Variants in MTFR1 observed in about 807,000 individuals in gnomAD.
MTFR1 encodes chondrocyte protein with a poly-proline region.
MTFR1 carries 28 observed loss-of-function variants against 38.8 expected under a neutral mutation model. The observed-to-expected ratio is 0.72, with a 90% CI of 0.53 to 0.99. MTFR1 has a LOEUF of 0.99. Among genes scored for constraint, MTFR1 ranks in the 50% least tolerant of loss-of-function variants. MTFR1 has a pLI of 0.00. For synonymous variants in MTFR1, 145 were observed against 137.0 expected (o/e 1.06, Z -0.41); for missense variants, 358 against 395.5 (o/e 0.91, Z 0.81).
chr8:65,759,321 GAAA>G (rs1449072822), intron 3 of MTFR1, among the ~76,000 whole-genome samples: 27 of 152,280 alleles, frequency 1.8e-4, no homozygotes, highest in African/African-American at 6.0e-4. Flanking sequence ...GCCACTGGGG[GAAA>G]CCCCTGAGGC....
downstream of MTFR1, among the ~76,000 whole-genome samples, chr8:65,713,439 AACACACACACACACACACAC>A (rs144454204): frequency 8.7e-5 from 12 of 137,468 alleles, no homozygotes; most frequent in Non-Finnish European, 1.4e-4. Flanking sequence ...TCCCATCTCA[AACACACACACACACACACAC>A]ACACACACAC....
chr8:65,716,166 A>G (rs1391166206), intron 2 of MTFR1, among the ~76,000 whole-genome samples: 3 of 151,110 alleles, frequency 2.0e-5, no homozygotes, highest in Non-Finnish European at 4.4e-5. Context: ...AAAAAAAACA[A>G]AAGGGCTATA....
At chr8:65,714,563 G>C (rs1012994918), downstream of MTFR1, 5 of 152,104 alleles carry the variant, frequency 3.3e-5, no homozygotes, top group African/African-American at 9.7e-5. Context: ...ATTACTCCGT[G>C]TTTCAAATGT....
At position 65,709,385 on chromosome 8, in the gene MTFR1, T is replaced by C; in HGVS notation, c.*341T>C. 4.7e-6 allele frequency: 1 copy of C among 211,050 alleles called. No individual in the cohort carries two copies. The highest frequency in any genetic ancestry group is 1.0e-4 in the East Asian group (1 of 9,950). 13.1% of individuals were successfully genotyped at this position (211,050 alleles called of 1,614,324 possible). A position where few individuals can be genotyped will look rare whatever the true frequency, so the allele number is the denominator to read the frequency against. On this transcript the variant is annotated 3_prime_UTR_variant, in exon 8 of 8. Coordinates refer to ENST00000262146, the MANE Select transcript of MTFR1 (RefSeq NM_014637.4). Reference sequence around the variant, plus strand: ...CACATTTTAAATTCTTAACACTAATTTATCTGTATAAGTGTTTTATATGCA... The same window carrying C: ...CACATTTTAAATTCTTAACACTAATCTATCTGTATAAGTGTTTTATATGCA...
intron 1 of MTFR1, among the ~76,000 whole-genome samples, chr8:65,647,415 C>A (rs1808989168): frequency 6.6e-6 from 1 of 152,122 alleles, no homozygotes; most frequent in Non-Finnish European, 1.5e-5. Flanking sequence ...TGGGTTCAAG[C>A]GATTCTCCTG....
intron 1 of MTFR1, among the ~76,000 whole-genome samples, chr8:65,669,075 G>T (rs1179149042): frequency 6.6e-6 from 1 of 152,142 alleles, no homozygotes; most frequent in African/African-American, 2.4e-5. Context: ...TGTATTTCTG[G>T]AATTCATTCC....
At chr8:65,731,983 A>ATTGTTG (rs1175396332) in intron 3 of MTFR1, among the ~76,000 whole-genome samples, 2 of 143,132 alleles carry the variant, frequency 1.4e-5, no homozygotes, top group African/African-American at 5.0e-5. Context: ...TATTATTATT[A>ATTGTTG]TTATTGTTGT....
rs1403930728 is a variant in MTFR1 at position 65,665,316 on chromosome 8, C to A, written c.-80-4557C>A. 2.0e-5 allele frequency among the ~76,000 whole-genome samples: 3 copies of A among 152,140 alleles called. No individual in the cohort carries two copies. The East Asian group carries it at 5.8e-4, about 29-fold the overall frequency. Reference sequence around the variant, plus strand: ...TGCCAGTTATTTCCAGCTTTGACATCATTTTTGGTTCTTTGCTCTTTTTAT... The same window carrying A: ...TGCCAGTTATTTCCAGCTTTGACATAATTTTTGGTTCTTTGCTCTTTTTAT... On this transcript the variant is annotated intron_variant, in intron 1 of 7. Transcript: ENST00000262146.
intron 2 of MTFR1, among the ~76,000 whole-genome samples, chr8:65,681,382 A>G (rs1436722260): frequency 6.6e-6 from 1 of 152,236 alleles, no homozygotes; most frequent in Non-Finnish European, 1.5e-5. Flanking sequence ...GGTGTCCCAA[A>G]GTGCTGGGAT....
intron 3 of MTFR1, chr8:65,682,664 T>G: frequency 1.5e-6 from 1 of 660,470 alleles, no homozygotes; most frequent in Non-Finnish European, 1.9e-6. Flanking sequence ...TTATCCTTCT[T>G]AAGGATGCAT....
At chr8:65,648,302 T>G (rs746469788) in intron 1 of MTFR1, among the ~76,000 whole-genome samples, 1 of 152,084 alleles carries the variant, frequency 6.6e-6, no homozygotes, top group Admixed American at 6.6e-5. Flanking sequence ...CAGGCGTGAG[T>G]CACCATGCCT....
chr8:65,762,897 G>A (rs1268540684), intron 3 of MTFR1, among the ~76,000 whole-genome samples: 3 of 152,062 alleles, frequency 2.0e-5, no homozygotes, highest in Non-Finnish European at 4.4e-5. Context: ...AGCATTATGG[G>A]AAGCTGAGGT....
At chr8:65,673,670 G>T (rs973180147) in intron 2 of MTFR1, among the ~76,000 whole-genome samples, 6 of 151,732 alleles carry the variant, frequency 4.0e-5, no homozygotes, top group African/African-American at 1.5e-4. Flanking sequence ...TTGGGAGGCC[G>T]AGGCGGGTGG....
At chr8:65,711,225 G>A (rs1312764299), downstream of MTFR1, among the ~76,000 whole-genome samples, 1 of 152,192 alleles carries the variant, frequency 6.6e-6, no homozygotes, top group Non-Finnish European at 1.5e-5. Flanking sequence ...AGGAGGGGTA[G>A]GACTTGCAGT....
rs573026582 is a variant in MTFR1 at position 65,728,341 on chromosome 8, T to C, written c.*48+8860T>C. The C allele has an allele frequency of 5.3e-5, 8 of 152,330 alleles. No homozygotes were observed. The East Asian group carries it at 7.7e-4, about 15-fold the overall frequency. The allele number at this position is 152,330 out of a possible 1,614,324, so 9.4% of individuals were successfully genotyped here. A position where few individuals can be genotyped will look rare whatever the true frequency, so the allele number is the denominator to read the frequency against. On this transcript the variant is annotated intron_variant, in intron 3 of 3. Coordinates refer to the MTFR1 transcript ENST00000521247. The stretch of plus-strand genomic sequence containing the variant: ...AAAATAATTTTAGATTCAAATTCTA[T>C]TGTTTTCTTTCTCTGCTAGAACGAA...
intron 3 of MTFR1, among the ~76,000 whole-genome samples, chr8:65,741,189 T>C (rs753291345): frequency 2.0e-5 from 3 of 152,210 alleles, no homozygotes; most frequent in Non-Finnish European, 4.4e-5. Flanking sequence ...GACCACGTTT[T>C]AAATAGGCTA....
chr8:65,753,339 T>C (rs1057251197), intron 3 of MTFR1, among the ~76,000 whole-genome samples: 1 of 152,202 alleles, frequency 6.6e-6, no homozygotes, highest in Non-Finnish European at 1.5e-5. Context: ...ACTACCCAAA[T>C]GGCTCTCTCC....
chr8:65,659,819 C>G (rs1380671498), intron 1 of MTFR1, among the ~76,000 whole-genome samples: 1 of 152,066 alleles, frequency 6.6e-6, no homozygotes, highest in Non-Finnish European at 1.5e-5. Flanking sequence ...TCTGTTTGTT[C>G]TAAAAGTATT....
intron 4 of MTFR1, among the ~76,000 whole-genome samples, chr8:65,698,715 G>T (rs1439650675): frequency 6.6e-6 from 1 of 151,244 alleles, no homozygotes; most frequent in African/African-American, 2.5e-5. Flanking sequence ...GTAGGCCCTG[G>T]AGTGTGTTGT....
Sources: allele counts gnomAD v4.1 joint callset (sites outside exome capture counted in the v4.1 genomes callset), GRCh38; gene constraint gnomAD v4.1.1; transcripts MANE v1.5; gene names NCBI Gene and HGNC (gene_info 2026-07-23, HGNC 2026-07-21).